The following CSMD1 variants were observed in gnomAD, a reference collection of about 807,000 sequenced individuals.
The protein encoded by CSMD1 is CUB and Sushi multiple domains 1, also known as CUB and sushi domain-containing protein 1.
In CSMD1, 213 loss-of-function variants were observed where a neutral mutation model predicts 417.5. The observed-to-expected ratio is 0.51, with a 90% confidence interval of 0.46 to 0.57. The LOEUF (loss-of-function observed/expected upper bound fraction) is 0.57. Among genes scored for constraint, CSMD1 ranks in the 20% least tolerant of loss-of-function variants. The pLI, the probability that CSMD1 is intolerant of heterozygous loss-of-function variation, is 0.00. For missense variants in CSMD1, 6,923 were observed against 4,529.7 expected (o/e 1.53, Z -15.17); for synonymous variants, 2,862 against 1,736.8 (o/e 1.65, Z -16.11).
intron 54 of CSMD1, among the ~76,000 whole-genome samples, chr8:2,985,583 A>G (rs1805823559): frequency 6.6e-6 from 1 of 152,222 alleles, no homozygotes. Flanking sequence ...TTCTTCTGAA[A>G]TTTTACTTTT....
At chr8:4,184,268 C>G (rs958716615) in intron 3 of CSMD1, among the ~76,000 whole-genome samples, 1 of 152,138 alleles carries the variant, frequency 6.6e-6, no homozygotes, top group Non-Finnish European at 1.5e-5. Flanking sequence ...CCCATATGCT[C>G]ATTTATAATC....
chr8:4,855,326 G>C (rs988497843), intron 1 of CSMD1, among the ~76,000 whole-genome samples: 9 of 152,062 alleles, frequency 5.9e-5, no homozygotes, highest in Non-Finnish European at 1.3e-4. Flanking sequence ...AAACAGAACA[G>C]AAAAACTGGA....
intron 5 of CSMD1, among the ~76,000 whole-genome samples, chr8:3,832,302 C>T (rs1046852727): frequency 3.0e-4 from 46 of 152,214 alleles, no homozygotes; most frequent in African/African-American, 7.0e-4. Flanking sequence ...TAATCTTTAC[C>T]GTTAAAACGC....
At chr8:3,690,742 C>T (rs1163505766) in intron 7 of CSMD1, among the ~76,000 whole-genome samples, 4 of 152,066 alleles carry the variant, frequency 2.6e-5, no homozygotes, top group Non-Finnish European at 4.4e-5. Flanking sequence ...TACTGAGATA[C>T]TCTTAAATGT....
intron 5 of CSMD1, among the ~76,000 whole-genome samples, chr8:3,840,129 A>T (rs1043010618): frequency 2.5e-4 from 38 of 152,164 alleles, no homozygotes; most frequent in African/African-American, 9.2e-4. Flanking sequence ...TATTATGAAC[A>T]GCTTGCTTCC....
intron 5 of CSMD1, among the ~76,000 whole-genome samples, chr8:3,766,576 T>C (rs1335563273): frequency 1.3e-5 from 2 of 152,054 alleles, no homozygotes; most frequent in Non-Finnish European, 2.9e-5. Flanking sequence ...TATCATATTT[T>C]GACTATCAAA....
chr8:3,705,868 C>G (rs62474754), intron 7 of CSMD1, among the ~76,000 whole-genome samples: 32 of 152,150 alleles, frequency 2.1e-4, no homozygotes, highest in African/African-American at 7.5e-4. Flanking sequence ...GAGGCCTCCA[C>G]TGAAGGCACC....
intron 3 of CSMD1, among the ~76,000 whole-genome samples, chr8:4,231,962 T>C (rs1801760540): frequency 1.3e-5 from 2 of 152,320 alleles, no homozygotes; most frequent in South Asian, 2.1e-4. Flanking sequence ...TCCTCCTTTC[T>C]TTCTTTTGCA....
intron 3 of CSMD1, among the ~76,000 whole-genome samples, chr8:4,189,641 C>T (rs1163440456): frequency 6.6e-6 from 1 of 152,144 alleles, no homozygotes; most frequent in East Asian, 1.9e-4. Context: ...GACCCTTCTA[C>T]TGATGTTCTA....
intron 1 of CSMD1, among the ~76,000 whole-genome samples, chr8:4,799,888 A>T (rs1798183309): frequency 6.6e-6 from 1 of 152,124 alleles, no homozygotes; most frequent in South Asian, 2.1e-4. Context: ...CATTCAACAG[A>T]CCTGGACTGG....
chr8:4,171,298 C>T (rs78775839), intron 3 of CSMD1, among the ~76,000 whole-genome samples: 4,497 of 151,988 alleles, frequency 0.03, 106 homozygotes, highest in Non-Finnish European at 0.043. Flanking sequence ...GTAAGCAACC[C>T]TACGCCAGGC....
At chr8:4,740,684 CAAG>C (rs1297839443) in intron 1 of CSMD1, among the ~76,000 whole-genome samples, 2 of 152,170 alleles carry the variant, frequency 1.3e-5, no homozygotes, top group East Asian at 1.9e-4. Flanking sequence ...AGAATCTACT[CAAG>C]GAGGGTGAGG....
At chr8:4,587,170 G>A (rs957964226) in intron 2 of CSMD1, among the ~76,000 whole-genome samples, 4 of 152,066 alleles carry the variant, frequency 2.6e-5, no homozygotes, top group Non-Finnish European at 4.4e-5. Context: ...GAGCCAACCA[G>A]CTTTTATGGC....
intron 2 of CSMD1, among the ~76,000 whole-genome samples, chr8:4,445,084 T>C (rs1798703362): frequency 1.3e-5 from 2 of 152,234 alleles, no homozygotes; most frequent in East Asian, 3.9e-4. Flanking sequence ...ATGTTTAACA[T>C]GTTACTTCTC....
intron 3 of CSMD1, among the ~76,000 whole-genome samples, chr8:4,146,392 T>A (rs1436870761): frequency 6.7e-6 from 1 of 150,118 alleles, no homozygotes; most frequent in East Asian, 1.9e-4. Context: ...CAATTCGGGG[T>A]TGATAATGTG....
intron 22 of CSMD1, among the ~76,000 whole-genome samples, chr8:3,344,510 A>G (rs1423124255): frequency 2.0e-5 from 3 of 152,184 alleles, no homozygotes; most frequent in African/African-American, 7.2e-5. Flanking sequence ...GCTCCCAATA[A>G]CAACAGAGCA....
At chr8:3,938,160 G>T (rs150481493) in intron 5 of CSMD1, among the ~76,000 whole-genome samples, 1 of 152,074 alleles carries the variant, frequency 6.6e-6, no homozygotes, top group African/African-American at 2.4e-5. Context: ...TCTGGTAATT[G>T]TGTCAATAAA....
At chr8:4,951,117 C>T (rs1450638574) in intron 1 of CSMD1, among the ~76,000 whole-genome samples, 1 of 152,120 alleles carries the variant, frequency 6.6e-6, no homozygotes, top group Non-Finnish European at 1.5e-5. Flanking sequence ...GTCCATCTTT[C>T]TGACACACAC....
chr8:4,470,488 G>A (rs899086868), intron 2 of CSMD1, among the ~76,000 whole-genome samples: 1 of 152,156 alleles, frequency 6.6e-6, no homozygotes, highest in African/African-American at 2.4e-5. Context: ...TTAACTGGAA[G>A]GATAAGTGCA....
Sources: allele counts gnomAD v4.1 joint callset (sites outside exome capture counted in the v4.1 genomes callset), GRCh38; gene constraint gnomAD v4.1.1; transcripts MANE v1.5; gene names NCBI Gene and HGNC (gene_info 2026-07-23, HGNC 2026-07-21).